The following ZFPM2 variants were observed in gnomAD, a reference collection of about 807,000 sequenced individuals.
The protein encoded by ZFPM2 is zinc finger protein ZFPM2.
A neutral mutation model predicts 98.6 loss-of-function variants in ZFPM2; 20 were observed. The observed-to-expected ratio is 0.20, with a 90% CI of 0.14 to 0.29. The LOEUF is 0.29. Ranked by LOEUF, ZFPM2 falls within the 10% of genes least tolerant of loss-of-function variation. ZFPM2 has a pLI of 1.00. For missense variants in ZFPM2, 1,310 were observed against 1,388.6 expected, an observed-to-expected ratio of 0.94 and a Z score of 0.90; for synonymous variants, 518 against 502.7, an observed-to-expected ratio of 1.03 and a Z score of -0.41.
chr8:105,483,940 T>G (rs765208771), intron 3 of ZFPM2, among the ~76,000 whole-genome samples: 1 of 151,874 alleles, frequency 6.6e-6, no homozygotes. Context: ...TTCACCGTGT[T>G]ATCCAGGATG....
chr8:105,356,603 A>G (rs917556737), intron 1 of ZFPM2, among the ~76,000 whole-genome samples: 3 of 152,314 alleles, frequency 2.0e-5, no homozygotes, highest in Middle Eastern at 3.4e-3. Flanking sequence ...TTTCACAGCT[A>G]TGCTTAGAAA....
rs1485017072 is a variant in ZFPM2 at position 105,717,799 on chromosome 8, T to A, written c.533-70919T>A. Among the ~76,000 whole-genome samples, 5 of 151,894 alleles carry A rather than the reference T, an allele frequency of 3.3e-5. No homozygotes were observed. In the East Asian group the frequency reaches 9.7e-4, roughly 30 times the overall value. ...AGCACACTATGTTTTCATTGCACCA[T>A]CTTGTCACATGCCTTGTCTTTATGT... On this transcript the variant is annotated intron_variant, in intron 5 of 7. Coordinates refer to ENST00000407775, the MANE Select transcript of ZFPM2 (RefSeq NM_012082.4).
At chr8:105,716,483 G>A (rs1586216414) in intron 5 of ZFPM2, among the ~76,000 whole-genome samples, 1 of 151,882 alleles carries the variant, frequency 6.6e-6, no homozygotes, top group East Asian at 1.9e-4. Context: ...ATACGTGTGT[G>A]TATATATGAT....
chr8:105,505,117 C>A (rs899857376), intron 3 of ZFPM2, among the ~76,000 whole-genome samples: 2 of 152,066 alleles, frequency 1.3e-5, no homozygotes, highest in African/African-American at 4.8e-5. Flanking sequence ...CTCTTGACCA[C>A]CATTACTTCA....
At chr8:105,723,565 C>T (rs370270585) in intron 5 of ZFPM2, among the ~76,000 whole-genome samples, 9 of 151,808 alleles carry the variant, frequency 5.9e-5, no homozygotes, top group East Asian at 3.9e-4. Flanking sequence ...TGGCAAGATA[C>T]GTCCTGACAT....
At chr8:105,600,704 C>T (rs1222624622) in intron 4 of ZFPM2, among the ~76,000 whole-genome samples, 1 of 151,740 alleles carries the variant, frequency 6.6e-6, no homozygotes, top group African/African-American at 2.4e-5. Context: ...TTTGGATAAT[C>T]ATATGATGAT....
intron 1 of ZFPM2, among the ~76,000 whole-genome samples, chr8:105,357,174 C>G (rs1268475527): frequency 6.6e-6 from 1 of 152,150 alleles, no homozygotes; most frequent in African/African-American, 2.4e-5. Context: ...TATGATGCCC[C>G]TGTCTTTTCT....
At chr8:105,424,598 T>C (rs1449461208) in intron 2 of ZFPM2, among the ~76,000 whole-genome samples, 1 of 151,926 alleles carries the variant, frequency 6.6e-6, no homozygotes, top group African/African-American at 2.4e-5. Context: ...GTAAAGCATA[T>C]TAAAGAAAAT....
chr8:105,745,685 G>C (rs1216254923), intron 5 of ZFPM2, among the ~76,000 whole-genome samples: 1 of 152,068 alleles, frequency 6.6e-6, no homozygotes, highest in African/African-American at 2.4e-5. Context: ...GTTCATCCCA[G>C]TTGTGATTTT....
In ZFPM2 at chr8:105,357,638, A is replaced by T. The variant is rs1812774176; in HGVS notation, c.40+38657A>T. Among the ~76,000 whole-genome samples the T allele has an allele frequency of 3.9e-5, 6 of 152,270 alleles. No individual in the cohort carries two copies. The South Asian group carries it at 1.0e-3, about 26-fold the overall frequency. ...AGTTGGTTTATGTTTCTTCTAGAAA[A>T]TTTTTTGCCACTTAGAAAAAAATGT... On this transcript the variant is annotated intron_variant, in intron 1 of 7. Transcript: ENST00000407775.
chr8:105,452,479 G>A (rs1295634470), intron 3 of ZFPM2, among the ~76,000 whole-genome samples: 1 of 151,682 alleles, frequency 6.6e-6, no homozygotes, highest in African/African-American at 2.4e-5. Flanking sequence ...CAGGCATGGT[G>A]TCTCATGCCT....
chr8:105,682,594 TG>T (rs1563519529), intron 5 of ZFPM2, among the ~76,000 whole-genome samples: 3 of 152,286 alleles, frequency 2.0e-5, no homozygotes, highest in African/African-American at 7.2e-5. Context: ...TTGTTCCTTC[TG>T]CCTTGTAGAG....
chr8:105,626,233 A>G lies in ZFPM2; in HGVS notation c.421-8013A>G, dbSNP rs550741091. Reference sequence around the variant, plus strand: ...CCAGGATTACTGAAAATTCAATCGTATAAGGTCTTGAATTATTCCTGGGCA... The same window carrying G: ...CCAGGATTACTGAAAATTCAATCGTGTAAGGTCTTGAATTATTCCTGGGCA... On this transcript the variant is annotated intron_variant, in intron 4 of 7. Transcript: ENST00000407775. Among the ~76,000 whole-genome samples the G allele has an allele frequency of 5.3e-5, 8 of 152,312 alleles. 1 individual carries two copies. The highest frequency in any genetic ancestry group is 1.9e-4 in the African/African-American group (8 of 41,572).
chr8:105,327,945 C>T (rs1322522814), intron 1 of ZFPM2, among the ~76,000 whole-genome samples: 3 of 151,798 alleles, frequency 2.0e-5, no homozygotes, highest in South Asian at 2.1e-4. Flanking sequence ...CTTCATGCTC[C>T]TTGTGTGTGC....
At chr8:105,645,808 C>T (rs1817030604) in intron 5 of ZFPM2, among the ~76,000 whole-genome samples, 1 of 151,998 alleles carries the variant, frequency 6.6e-6, no homozygotes, top group South Asian at 2.1e-4. Flanking sequence ...AATCCCAGCA[C>T]TTTGGGAGGC....
chr8:105,759,740 G>A (rs1279808117), intron 5 of ZFPM2, among the ~76,000 whole-genome samples: 1 of 151,842 alleles, frequency 6.6e-6, no homozygotes, highest in East Asian at 1.9e-4. Flanking sequence ...ATGCATGAAT[G>A]AATTCAGCCA....
chr8:105,388,604 A>G (rs1264786662), intron 1 of ZFPM2, among the ~76,000 whole-genome samples: 1 of 152,182 alleles, frequency 6.6e-6, no homozygotes, highest in African/African-American at 2.4e-5. Context: ...ACCACTGAGG[A>G]ATTCTCGGCA....
At chr8:105,327,136 T>C (rs1194122527) in intron 1 of ZFPM2, among the ~76,000 whole-genome samples, 1 of 151,414 alleles carries the variant, frequency 6.6e-6, no homozygotes, top group African/African-American at 2.4e-5. Context: ...GCATCTCTTA[T>C]TGAGAGAGAA....
intron 1 of ZFPM2, among the ~76,000 whole-genome samples, chr8:105,320,673 A>G (rs560996154): frequency 6.6e-6 from 1 of 152,310 alleles, no homozygotes; most frequent in East Asian, 1.9e-4. Context: ...ATTGTATGGC[A>G]CAAGACCATC....
Sources: gnomAD v4.1 joint callset for allele counts (sites outside exome capture counted in the v4.1 genomes callset) on GRCh38, gnomAD v4.1.1 for gene constraint, MANE v1.5 for transcripts, NCBI Gene and HGNC (gene_info 2026-07-23, HGNC 2026-07-21) for gene names.